Variants in CCDC7 observed in about 807,000 individuals in gnomAD.
CCDC7 encodes the protein coiled-coil domain containing 7, also known as coiled-coil domain-containing protein 7.
A neutral mutation model predicts 196.9 loss-of-function variants in CCDC7; 183 were observed. The ratio of observed to expected loss-of-function variants is 0.93; its 90% CI spans 0.82 to 1.05. CCDC7 has a LOEUF of 1.05. CCDC7 is among the 50% of genes least tolerant of loss of function. The pLI is 0.00. For synonymous variants in CCDC7, 525 were observed against 484.6 expected, an observed-to-expected ratio of 1.08 and a Z score of -1.10; for missense variants, 1,540 against 1,482.2, an observed-to-expected ratio of 1.04 and a Z score of -0.64.
chr10:32,873,169 G>A (rs2094490317), intron 41 of CCDC7, among the ~76,000 whole-genome samples: 2 of 152,042 alleles, frequency 1.3e-5, no homozygotes, highest in Admixed American at 1.3e-4. Context: ...TCACTTTCAG[G>A]TACACCAATC....
chr10:32,744,763 G>T (rs971040065), intron 28 of CCDC7, among the ~76,000 whole-genome samples: 4 of 152,084 alleles, frequency 2.6e-5, no homozygotes, highest in Non-Finnish European at 4.4e-5. Context: ...CCAACCTGTG[G>T]CATGACTTTT....
intron 28 of CCDC7, among the ~76,000 whole-genome samples, chr10:32,757,374 T>TA (rs770532954): frequency 3.9e-5 from 6 of 152,018 alleles, no homozygotes; most frequent in Non-Finnish European, 7.4e-5. Context: ...TCAGCAAATG[T>TA]AAAAAAACAG....
At chr10:32,492,985 T>G (rs1377038131) in intron 9 of CCDC7, among the ~76,000 whole-genome samples, 1 of 152,102 alleles carries the variant, frequency 6.6e-6, no homozygotes, top group Non-Finnish European at 1.5e-5. Context: ...ATTTATGGTA[T>G]AAAATGTGAT....
In CCDC7 at chr10:32,828,492, GAAGAAGAAGAAGAAGAA is replaced by G. The variant is rs1565634439; in HGVS notation, c.3268+3889_3268+3905del. Among the ~76,000 whole-genome samples the G allele has an allele frequency of 6.3e-3, 568 of 89,986 alleles. 5 individuals carry two copies. Among genetic ancestry groups the G allele is most frequent in the African/African-American group, 0.023 (539 of 23,034 alleles). 59.0% of individuals were successfully genotyped at this position (89,986 alleles called of 152,430 possible). On this transcript the variant is annotated intron_variant, in intron 32 of 41. Coordinates refer to ENST00000639629, the Ensembl canonical transcript of CCDC7. ...GGAAGAGGAAGAGGAAGAGGAAGAA[GAAGAAGAAGAAGAAGAA>G]GAAGAAGAAGAAGAAGAAGAAGAAG... is the stretch of plus-strand genomic sequence containing the variant.
intron 30 of CCDC7, among the ~76,000 whole-genome samples, chr10:32,807,392 T>TA (rs954620074): frequency 6.0e-5 from 9 of 150,882 alleles, no homozygotes; most frequent in East Asian, 1.9e-4. Context: ...GTATTGAAGT[T>TA]AAAAAAAAAT....
At chr10:32,764,438 A>G (rs1209971498) in intron 28 of CCDC7, among the ~76,000 whole-genome samples, 2 of 147,820 alleles carry the variant, frequency 1.4e-5, no homozygotes, top group Admixed American at 7.0e-5. Context: ...ATTTATTGAT[A>G]TGGTATAATT....
At chr10:32,744,547 T>C (rs1455657024) in intron 28 of CCDC7, among the ~76,000 whole-genome samples, 1 of 152,226 alleles carries the variant, frequency 6.6e-6, no homozygotes, top group African/African-American at 2.4e-5. Context: ...ATTGTTGTTC[T>C]AATGCACAAT....
At chr10:32,617,197 T>C (rs1205565462) in intron 18 of CCDC7, among the ~76,000 whole-genome samples, 2 of 151,892 alleles carry the variant, frequency 1.3e-5, no homozygotes, top group Admixed American at 1.3e-4. Context: ...TTGATTAGTC[T>C]ACTTAGTTTT....
chr10:32,834,503 A>T (rs539034841), intron 32 of CCDC7, among the ~76,000 whole-genome samples: 1 of 152,228 alleles, frequency 6.6e-6, no homozygotes, highest in East Asian at 1.9e-4. Flanking sequence ...ATTGTATGGA[A>T]GAAAGCACTG....
chr10:32,464,978 A>T (rs2036448918), intron 5 of CCDC7, among the ~76,000 whole-genome samples: 1 of 152,190 alleles, frequency 6.6e-6, no homozygotes, highest in African/African-American at 2.4e-5. Flanking sequence ...TTTTTAAAAA[A>T]ATTATTTTGT....
chr10:32,693,340 C>T (rs2077304446), intron 23 of CCDC7, among the ~76,000 whole-genome samples: 1 of 152,042 alleles, frequency 6.6e-6, no homozygotes, highest in African/African-American at 2.4e-5. Context: ...AACATTGTTT[C>T]TTATATCTCT....
intron 8 of CCDC7, among the ~76,000 whole-genome samples, chr10:32,491,193 G>A (rs1302794193): frequency 6.6e-6 from 1 of 151,924 alleles, no homozygotes; most frequent in African/African-American, 2.4e-5. Context: ...CTTTTGACAC[G>A]TGGGATAGAA....
At chr10:32,461,691 ATGTGTG>A (rs200853278) in intron 3 of CCDC7, among the ~76,000 whole-genome samples, 17,419 of 106,694 alleles carry the variant, frequency 0.16, 1,944 homozygotes, top group African/African-American at 0.26. Context: ...CCTTACATAT[ATGTGTG>A]TGTGTGTGTG....
intron 24 of CCDC7, among the ~76,000 whole-genome samples, chr10:32,710,602 G>T (rs958863131): frequency 9.2e-5 from 14 of 152,218 alleles, no homozygotes; most frequent in African/African-American, 3.1e-4. Context: ...GCCCCATGGT[G>T]TTGGACAGCA....
At chr10:32,688,705 G>A (rs1021502410) in intron 22 of CCDC7, among the ~76,000 whole-genome samples, 4 of 152,068 alleles carry the variant, frequency 2.6e-5, no homozygotes, top group African/African-American at 9.7e-5. Context: ...ATATTTAGGT[G>A]GTTTTGAGTA....
rs533571117 is a variant in CCDC7 at position 32,821,187 on chromosome 10, T to C, written c.3182-3331T>C. 1.2e-4 allele frequency among the ~76,000 whole-genome samples: 19 copies of C among 152,368 alleles called. No homozygotes were observed. The South Asian group carries it at 3.5e-3, about 28-fold the overall frequency. On this transcript the variant is annotated intron_variant, in intron 31 of 41. Transcript: ENST00000639629. ...GACACTTCTCAAAAGAAGACATTTA[T>C]GCAGCCAACGGACACATGAAAAAAT... is the stretch of plus-strand genomic sequence containing the variant.
Position 32,824,507 on chromosome 10 carries a change from C to T in CCDC7, c.3182-11C>T. ...AAAAAAGTGTTTTGAAATCTGTTTACTTTTTTATAGAGACTGATGAACGAT... is the reference window on the plus strand; with the variant it reads ...AAAAAAGTGTTTTGAAATCTGTTTATTTTTTTATAGAGACTGATGAACGAT... On this transcript the variant is annotated splice_polypyrimidine_tract_variant and intron_variant, in intron 31 of 41. Transcript: ENST00000639629. 6.3e-7 allele frequency: 1 copy of T among 1,584,992 alleles called. No individual in the cohort carries two copies. Among genetic ancestry groups the T allele is most frequent in the Non-Finnish European group, 8.6e-7 (1 of 1,161,608 alleles).
chr10:32,716,914 T>TA (rs1591985403), intron 25 of CCDC7, among the ~76,000 whole-genome samples: 1 of 152,148 alleles, frequency 6.6e-6, no homozygotes, highest in Non-Finnish European at 1.5e-5. Flanking sequence ...CTTAGAGACT[T>TA]AGACTCCCAC....
intron 28 of CCDC7, among the ~76,000 whole-genome samples, chr10:32,746,234 C>A (rs1376705207): frequency 6.6e-6 from 1 of 152,140 alleles, no homozygotes; most frequent in Non-Finnish European, 1.5e-5. Context: ...ACAGGGCTGC[C>A]AAGCATCAGG....
Sources: allele counts gnomAD v4.1 joint callset (sites outside exome capture counted in the v4.1 genomes callset), GRCh38; gene constraint gnomAD v4.1.1; transcripts MANE v1.5; gene names NCBI Gene and HGNC (gene_info 2026-07-23, HGNC 2026-07-21).